Variants in SH3RF3 observed in about 807,000 individuals in gnomAD.
SH3RF3 encodes SH3 domain containing ring finger 3, also known as E3 ubiquitin-protein ligase SH3RF3.
Under a neutral mutation model 66.3 loss-of-function variants are expected in SH3RF3, and 29 were observed. The observed-to-expected ratio is 0.44, with a 90% CI of 0.33 to 0.60. The LOEUF (loss-of-function observed/expected upper bound fraction) is 0.60, where lower values mean the gene tolerates loss of function less well. Ranked by LOEUF, SH3RF3 falls within the 20% of genes least tolerant of loss-of-function variation. The pLI is 0.04. For synonymous variants in SH3RF3, 583 were observed against 532.0 expected, an observed-to-expected ratio of 1.10 and a Z score of -1.32; for missense variants, 1,194 against 1,190.9, an observed-to-expected ratio of 1.00 and a Z score of -0.04.
intron 2 of SH3RF3, among the ~76,000 whole-genome samples, chr2:109,354,611 C>T (rs749838076): frequency 6.6e-6 from 1 of 152,230 alleles, no homozygotes; most frequent in East Asian, 1.9e-4. Flanking sequence ...TCCCAAATGC[C>T]TGATATGTGA....
chr2:109,148,352 T>C (rs1677147636), intron 1 of SH3RF3, among the ~76,000 whole-genome samples: 1 of 152,250 alleles, frequency 6.6e-6, no homozygotes, highest in African/African-American at 2.4e-5. Context: ...TCCGTGGTTC[T>C]TCATGTCACT....
chr2:109,427,614 C>T (rs1301508782), intron 5 of SH3RF3, among the ~76,000 whole-genome samples: 1 of 152,224 alleles, frequency 6.6e-6, no homozygotes, highest in Non-Finnish European at 1.5e-5. Context: ...TAGCCCCACA[C>T]ACAAGTGTCA....
chr2:109,172,911 G>T (rs1677821421), intron 1 of SH3RF3, among the ~76,000 whole-genome samples: 1 of 152,216 alleles, frequency 6.6e-6, no homozygotes, highest in African/African-American at 2.4e-5. Context: ...CAAAGCAATT[G>T]CTTGTCTGTG....
chr2:109,155,628 G>A (rs2104887744), intron 1 of SH3RF3, among the ~76,000 whole-genome samples: 1 of 152,206 alleles, frequency 6.6e-6, no homozygotes, highest in South Asian at 2.1e-4. Context: ...ACACAATTTT[G>A]GCTATTTGTG....
At chr2:109,245,962 A>G (rs1679905263) in intron 1 of SH3RF3, among the ~76,000 whole-genome samples, 1 of 152,248 alleles carries the variant, frequency 6.6e-6, no homozygotes, top group Non-Finnish European at 1.5e-5. Flanking sequence ...GCTATAATGA[A>G]AGTCTCTAAG....
intron 1 of SH3RF3, among the ~76,000 whole-genome samples, chr2:109,305,747 G>A (rs769896107): frequency 2.0e-5 from 3 of 152,226 alleles, no homozygotes; most frequent in Non-Finnish European, 4.4e-5. Flanking sequence ...ATTCCAGGCA[G>A]TGTTCTCTGC....
intron 1 of SH3RF3, among the ~76,000 whole-genome samples, chr2:109,162,622 A>G (rs1677515295): frequency 1.3e-5 from 2 of 152,090 alleles, no homozygotes; most frequent in South Asian, 4.1e-4. Flanking sequence ...AATCCAGTCT[A>G]TCATTGTTGG....
chr2:109,472,507 G>T (rs778223909), intron 8 of SH3RF3, among the ~76,000 whole-genome samples: 54 of 152,322 alleles, frequency 3.5e-4, no homozygotes, highest in Non-Finnish European at 5.9e-4. Context: ...GTGGAAAGAA[G>T]AGCTTTGATT....
At chr2:109,412,944 G>T (rs1344013820) in intron 4 of SH3RF3, among the ~76,000 whole-genome samples, 1 of 152,034 alleles carries the variant, frequency 6.6e-6, no homozygotes, top group Non-Finnish European at 1.5e-5. Context: ...TGGCCCTCCA[G>T]GCCTGTCCAT....
rs1369007979 is a variant in SH3RF3, at chr2:109,129,526, G to A, written c.-15G>A. The A allele has an allele frequency of 2.0e-6, 3 of 1,496,810 alleles. No homozygotes were observed. Among genetic ancestry groups the A allele is most frequent in the Non-Finnish European group, 2.7e-6 (3 of 1,129,656 alleles). The allele number at this position is 1,496,810 out of a possible 1,614,324, so 92.7% of individuals were successfully genotyped here. Reference sequence around the variant, plus strand: ...ACCTAGGCAGCCGCGCGAGACCGCTGCGGGCGCCTCCCCCATGCTGCTCGG... The same window carrying A: ...ACCTAGGCAGCCGCGCGAGACCGCTACGGGCGCCTCCCCCATGCTGCTCGG... On this transcript the variant is annotated 5_prime_UTR_variant, in exon 1 of 10. Coordinates refer to ENST00000309415, the MANE Select transcript of SH3RF3 (RefSeq NM_001099289.3).
At chr2:109,447,352 T>C (rs185711513) in intron 7 of SH3RF3, among the ~76,000 whole-genome samples, 1 of 152,268 alleles carries the variant, frequency 6.6e-6, no homozygotes, top group Admixed American at 6.5e-5. Context: ...TGGAGAGCTT[T>C]GTATGTCTCA....
At chr2:109,430,354 T>C (rs1291617243) in intron 5 of SH3RF3, among the ~76,000 whole-genome samples, 1 of 152,220 alleles carries the variant, frequency 6.6e-6, no homozygotes, top group African/African-American at 2.4e-5. Flanking sequence ...TTGTTACTGA[T>C]TCACAAGCCT....
At chr2:109,480,665 C>T (rs931220821) in intron 8 of SH3RF3, among the ~76,000 whole-genome samples, 1 of 152,114 alleles carries the variant, frequency 6.6e-6, no homozygotes, top group Non-Finnish European at 1.5e-5. Flanking sequence ...CAATGCTGTA[C>T]TGGCATGTGG....
At chr2:109,251,520 A>G (rs1680091586) in intron 1 of SH3RF3, 2 of 745,216 alleles carry the variant, frequency 2.7e-6, no homozygotes, top group South Asian at 2.7e-5. Flanking sequence ...TATTGTGGTC[A>G]TTTGGTCCCT....
intron 1 of SH3RF3, chr2:109,251,641 C>T (rs559403985): frequency 3.9e-5 from 54 of 1,372,188 alleles, no homozygotes; most frequent in South Asian, 2.2e-4. Context: ...AGCCTTGGAA[C>T]GAGTATAAAT....
chr2:109,182,364 C>T lies in SH3RF3; in HGVS notation c.573+52251C>T, dbSNP rs373785900. On this transcript the variant is annotated intron_variant, in intron 1 of 9. Transcript: ENST00000309415. ...CTCCCATGACAATGGCATTAACCCA[C>T]TTAGGAAGGTGAAGCCCTCATGACC... Among the ~76,000 whole-genome samples the T allele has an allele frequency of 1.5e-4, 23 of 152,306 alleles. No individual in the cohort carries two copies. The South Asian group carries it at 4.3e-3, about 29-fold the overall frequency.
intron 1 of SH3RF3, among the ~76,000 whole-genome samples, chr2:109,294,183 A>G (rs1410126948): frequency 6.6e-6 from 1 of 152,108 alleles, no homozygotes; most frequent in Admixed American, 6.6e-5. Flanking sequence ...TCAAAGGAGG[A>G]ATTTGTATGT....
intron 5 of SH3RF3, among the ~76,000 whole-genome samples, chr2:109,422,692 G>A (rs918177357): frequency 6.6e-6 from 1 of 152,198 alleles, no homozygotes; most frequent in Admixed American, 6.5e-5. Context: ...GCTCCTAGAG[G>A]CCATGCTCCT....
intron 1 of SH3RF3, among the ~76,000 whole-genome samples, chr2:109,253,174 C>T (rs184386780): frequency 8.1e-4 from 123 of 152,158 alleles, no homozygotes; most frequent in African/African-American, 2.9e-3. Flanking sequence ...ATTACAGCTA[C>T]GTGCCACCAT....
Sources: gnomAD v4.1 joint callset for allele counts (sites outside exome capture counted in the v4.1 genomes callset) on GRCh38, gnomAD v4.1.1 for gene constraint, MANE v1.5 for transcripts, NCBI Gene and HGNC (gene_info 2026-07-23, HGNC 2026-07-21) for gene names.